Variants in ZNF385B observed in about 807,000 individuals in gnomAD.
The protein encoded by ZNF385B is zinc finger protein 533.
ZNF385B carries 23 observed loss-of-function variants against 39.2 expected under a neutral mutation model. The observed-to-expected ratio is 0.59, with a 90% CI of 0.42 to 0.83. ZNF385B has a LOEUF of 0.83. Among genes scored for constraint, ZNF385B ranks in the 40% least tolerant of loss-of-function variants. ZNF385B has a pLI of 0.00. For missense variants in ZNF385B, 552 were observed against 598.9 expected, an observed-to-expected ratio of 0.92 and a Z score of 0.82; for synonymous variants, 205 against 222.6, an observed-to-expected ratio of 0.92 and a Z score of 0.70.
chr2:179,500,774 C>T (rs868506392), intron 5 of ZNF385B, among the ~76,000 whole-genome samples: 1 of 152,000 alleles, frequency 6.6e-6, no homozygotes, highest in Non-Finnish European at 1.5e-5. Flanking sequence ...AGCTTCTGCA[C>T]AGAAGAAACA....
chr2:179,638,623 T>C (rs1385900078), intron 3 of ZNF385B, among the ~76,000 whole-genome samples: 1 of 152,182 alleles, frequency 6.6e-6, no homozygotes, highest in Admixed American at 6.5e-5. Flanking sequence ...TACTGCTGTG[T>C]ATGTGTGTGT....
At chr2:179,527,938 AAAAAT>A (rs140256660) in intron 4 of ZNF385B, among the ~76,000 whole-genome samples, 19,790 of 152,026 alleles carry the variant, frequency 0.13, 1,699 homozygotes, top group East Asian at 0.37. Flanking sequence ...AGTAGCATTG[AAAAAT>A]AAAATAAAAT....
chr2:179,832,587 A>G (rs1441371724), intron 1 of ZNF385B, among the ~76,000 whole-genome samples: 1 of 152,228 alleles, frequency 6.6e-6, no homozygotes, highest in Non-Finnish European at 1.5e-5. Context: ...CCAGATGTCA[A>G]GCAACCCACC....
At chr2:179,840,249 C>T (rs945102703) in intron 1 of ZNF385B, among the ~76,000 whole-genome samples, 1 of 152,252 alleles carries the variant, frequency 6.6e-6, no homozygotes, top group Non-Finnish European at 1.5e-5. Flanking sequence ...GGCACATAAG[C>T]ACTGGCAGTA....
intron 3 of ZNF385B, among the ~76,000 whole-genome samples, chr2:179,624,966 T>C (rs1356783873): frequency 2.4e-5 from 2 of 83,528 alleles, no homozygotes; most frequent in Non-Finnish European, 5.0e-5. Context: ...TTCTTCTAAA[T>C]GTTCAAGTGA....
intron 3 of ZNF385B, among the ~76,000 whole-genome samples, chr2:179,709,808 G>T (rs1699872302): frequency 6.6e-6 from 1 of 152,168 alleles, no homozygotes. Flanking sequence ...AGACTACCTA[G>T]AACCTTTGCC....
At chr2:179,560,122 T>C (rs1048133598) in intron 3 of ZNF385B, among the ~76,000 whole-genome samples, 1 of 152,180 alleles carries the variant, frequency 6.6e-6, no homozygotes, top group Non-Finnish European at 1.5e-5. Flanking sequence ...AATAATATTC[T>C]TTATATGGAA....
At chr2:179,559,261 G>A (rs1333846954) in intron 3 of ZNF385B, among the ~76,000 whole-genome samples, 1 of 152,104 alleles carries the variant, frequency 6.6e-6, no homozygotes, top group African/African-American at 2.4e-5. Context: ...GACAATGTGA[G>A]CTCACCCTTT....
intron 3 of ZNF385B, among the ~76,000 whole-genome samples, chr2:179,734,347 G>A (rs1271837634): frequency 6.6e-6 from 1 of 152,124 alleles, no homozygotes; most frequent in Admixed American, 6.5e-5. Flanking sequence ...AGTTTTAATA[G>A]TTATTACCAC....
intron 3 of ZNF385B, among the ~76,000 whole-genome samples, chr2:179,597,250 A>G (rs1210481144): frequency 6.6e-6 from 1 of 152,210 alleles, no homozygotes; most frequent in African/African-American, 2.4e-5. Context: ...ATATCTTCAG[A>G]AAAGTTCTAC....
intron 3 of ZNF385B, among the ~76,000 whole-genome samples, chr2:179,755,292 A>C (rs1479996584): frequency 4.6e-5 from 7 of 152,348 alleles, no homozygotes; most frequent in Admixed American, 4.6e-4. Flanking sequence ...CTGTGGTCTG[A>C]GAGACAGTTT....
intron 5 of ZNF385B, among the ~76,000 whole-genome samples, chr2:179,496,789 C>T (rs1215498114): frequency 6.6e-6 from 1 of 152,172 alleles, no homozygotes; most frequent in African/African-American, 2.4e-5. Flanking sequence ...TGGCTCATGC[C>T]TGTAATCTCA....
In ZNF385B at chr2:179,510,110, AT is replaced by A. The variant is rs544955345; in HGVS notation, c.552+8417del. Among the ~76,000 whole-genome samples, 55 of 150,288 alleles carry A rather than the reference AT, an allele frequency of 3.7e-4. No homozygotes were observed. The South Asian group carries it at 0.011, about 30-fold the overall frequency. ...TTGTGTATATACAATCTAGAATTAT[AT>A]AAATATGCTACAAGTGTATACACTA... On this transcript the variant is annotated intron_variant, in intron 5 of 9. Coordinates refer to ENST00000410066, the MANE Select transcript of ZNF385B (RefSeq NM_152520.6).
intron 6 of ZNF385B, among the ~76,000 whole-genome samples, chr2:179,466,415 T>C (rs1468746926): frequency 1.3e-5 from 2 of 152,076 alleles, no homozygotes; most frequent in African/African-American, 4.8e-5. Flanking sequence ...CACCAAAATA[T>C]AGCCATTCCT....
intron 1 of ZNF385B, among the ~76,000 whole-genome samples, chr2:179,797,329 A>G (rs1705732141): frequency 6.6e-6 from 1 of 152,206 alleles, no homozygotes; most frequent in African/African-American, 2.4e-5. Flanking sequence ...GAATGATATC[A>G]TTTTACCTAT....
At chr2:179,582,637 T>C (rs1686661704) in intron 3 of ZNF385B, among the ~76,000 whole-genome samples, 2 of 152,284 alleles carry the variant, frequency 1.3e-5, no homozygotes, top group South Asian at 2.1e-4. Flanking sequence ...GCATCCACTA[T>C]AGATAATGCC....
At chr2:179,719,644 A>G (rs532076738) in intron 3 of ZNF385B, among the ~76,000 whole-genome samples, 1 of 152,362 alleles carries the variant, frequency 6.6e-6, no homozygotes, top group Non-Finnish European at 1.5e-5. Flanking sequence ...AACTGCCACC[A>G]GGTTTACTAA....
chr2:179,724,901 T>C (rs1700909522), intron 3 of ZNF385B, among the ~76,000 whole-genome samples: 1 of 152,176 alleles, frequency 6.6e-6, no homozygotes, highest in Non-Finnish European at 1.5e-5. Context: ...GAAATTAATG[T>C]AAGATTTTTA....
At chr2:179,615,667 G>C (rs1426333671) in intron 3 of ZNF385B, among the ~76,000 whole-genome samples, 1 of 152,152 alleles carries the variant, frequency 6.6e-6, no homozygotes, top group Non-Finnish European at 1.5e-5. Context: ...GTAAGTTATA[G>C]AACAGTGTTT....
Sources: gnomAD v4.1 joint callset for allele counts (sites outside exome capture counted in the v4.1 genomes callset) on GRCh38, gnomAD v4.1.1 for gene constraint, MANE v1.5 for transcripts, NCBI Gene and HGNC (gene_info 2026-07-23, HGNC 2026-07-21) for gene names.